The following SEZ6L2 variants were observed in gnomAD, a reference collection of about 807,000 sequenced individuals.
SEZ6L2 encodes seizure related 6 homolog like 2.
In SEZ6L2, 44 loss-of-function variants were observed where a neutral mutation model predicts 97.0. That is an observed-to-expected ratio of 0.45 (90% CI 0.36 to 0.58). The LOEUF is 0.58. Among genes scored for constraint, SEZ6L2 ranks in the 20% least tolerant of loss-of-function variants. The pLI is 0.00. For synonymous variants in SEZ6L2, 543 were observed against 546.1 expected, an observed-to-expected ratio of 0.99 and a Z score of 0.08; for missense variants, 1,086 against 1,233.3, an observed-to-expected ratio of 0.88 and a Z score of 1.79.
chr16:29,880,425 A>C (rs982748564), intron 8 of SEZ6L2, among the ~76,000 whole-genome samples: 1 of 151,856 alleles, frequency 6.6e-6, no homozygotes, highest in Non-Finnish European at 1.5e-5. Flanking sequence ...TCCTGGGTTC[A>C]AGCGATTCTC....
rs565059714 is a variant in SEZ6L2 at position 29,871,360 on chromosome 16, C to G, written c.*339G>C. The G allele has an allele frequency of 1.2e-5, 5 of 420,604 alleles. No individual in the cohort carries two copies. The Admixed American group carries it at 1.7e-4, about 14-fold the overall frequency. 26.1% of individuals were successfully genotyped at this position (420,604 alleles called of 1,614,324 possible). On this transcript the variant is annotated 3_prime_UTR_variant, in exon 18 of 18. Transcript: ENST00000617533. Reference sequence around the variant, plus strand: ...GGGGGCACCTTCGTGGCCAAGGGAACAGTAGAGCTATCGGGGGCAGTCCTT... The same window carrying G: ...GGGGGCACCTTCGTGGCCAAGGGAAGAGTAGAGCTATCGGGGGCAGTCCTT...
Position 29,873,892 on chromosome 16 carries a change from C to T in SEZ6L2, c.2105-163G>A, listed in dbSNP as rs1486028887. 1.3e-5 allele frequency among the ~76,000 whole-genome samples: 2 copies of T among 152,064 alleles called. No homozygotes were observed. The highest frequency in any genetic ancestry group is 1.5e-5 in the Non-Finnish European group (1 of 67,988). ...AGGAGTTGGAGGCGGGATGATCGCTCGAACCCAGCAGGTCGAGGCTGCAGT... is the reference window on the plus strand; with the variant it reads ...AGGAGTTGGAGGCGGGATGATCGCTTGAACCCAGCAGGTCGAGGCTGCAGT... On this transcript the variant is annotated intron_variant, in intron 12 of 17. Transcript: ENST00000617533. The surrounding 1 kb of genome is among the most constrained non-coding windows in gnomAD (Gnocchi z 4.3).
chr16:29,875,661 C>CTTTTTTTTTTTTTTTTTTTTTT (rs149293940), intron 12 of SEZ6L2, among the ~76,000 whole-genome samples: 1 of 112,712 alleles, frequency 8.9e-6, no homozygotes, highest in African/African-American at 3.8e-5. Flanking sequence ...TTCTTTCTTT[C>CTTTTTTTTTTTTTTTTTTTTTT]TTTCTTTTTT....
chr16:29,874,632 C>T (rs1458660632), intron 12 of SEZ6L2, among the ~76,000 whole-genome samples: 8 of 121,422 alleles, frequency 6.6e-5, no homozygotes, highest in Non-Finnish European at 1.3e-4. Flanking sequence ...AGTGCAGTGG[C>T]GCATCTCGGC....
At chr16:29,891,519 T>C (rs112796947) in intron 5 of SEZ6L2, among the ~76,000 whole-genome samples, 14,711 of 152,170 alleles carry the variant, frequency 0.097, 975 homozygotes, top group Non-Finnish European at 0.14. Context: ...CACACGCCTA[T>C]AATCCCAGCT....
chr16:29,877,629 A>C (rs750538621), intron 10 of SEZ6L2, among the ~76,000 whole-genome samples, 162 bp from the exon 11 acceptor site: 1 of 152,064 alleles, frequency 6.6e-6, no homozygotes, highest in Admixed American at 6.6e-5. Flanking sequence ...TTGACCAACC[A>C]TGGTTTCTCC....
intron 12 of SEZ6L2, among the ~76,000 whole-genome samples, chr16:29,874,790 C>T (rs2067869790): frequency 6.6e-6 from 1 of 151,866 alleles, no homozygotes; most frequent in Non-Finnish European, 1.5e-5. Flanking sequence ...AGGCTGGTCT[C>T]GAACTCCTGA....
At chr16:29,881,155 TCAC>T (rs1470866454) in intron 8 of SEZ6L2, among the ~76,000 whole-genome samples, 2 of 152,074 alleles carry the variant, frequency 1.3e-5, no homozygotes, top group African/African-American at 4.8e-5. Flanking sequence ...CACTCCTCAT[TCAC>T]ATATTTATAT....
Position 29,887,807 on chromosome 16 carries a change from A to T in SEZ6L2, c.1050T>A (p.Gly350=). The change falls in exon 7 of 18, where the codon GGT becomes GGA. Residue 350 remains glycine, a synonymous_variant. Transcript: ENST00000617533. ...GETPSCMASC[G]GTIHNATLGR... is the part of the protein sequence containing the mutation. ...CCAGGGTGGCATTGTGGATGGTGCC[A>T]CCACAGGATGCTGTGGGCAGAGGAG... 6.2e-7 allele frequency: 1 copy of T among 1,613,722 alleles called. No homozygotes were observed.
intron 10 of SEZ6L2, 103 bp downstream of exon 10, chr16:29,878,184 G>C (rs2067950097): frequency 7.3e-7 from 1 of 1,363,210 alleles, no homozygotes; most frequent in African/African-American, 1.5e-5. Flanking sequence ...ATTCTGGATA[G>C]ATACGCAAGA....
rs773935193 is a variant in SEZ6L2, at chr16:29,877,365, A to C, written c.1815T>G (p.Leu605=). 1.9e-6 allele frequency: 3 copies of C among 1,613,372 alleles called. No homozygotes were observed. In the African/African-American group the frequency reaches 4.0e-5, roughly 22 times the overall value. ...QLRGPQPRRR[L]LSSGPDLTLQ... Reference sequence around the variant, plus strand: ...GTGTGAGGTCGGGCCCAGAGGAGAGAAGGCGGCGGCGCGGCTGAGGTCCCC... The same window carrying C: ...GTGTGAGGTCGGGCCCAGAGGAGAGCAGGCGGCGGCGCGGCTGAGGTCCCC... The change falls in exon 11 of 18, where the codon CTT becomes CTG. Residue 605 remains leucine (L), a synonymous_variant. Transcript: ENST00000617533.
At chr16:29,890,223 C>T (rs2068242279) in intron 5 of SEZ6L2, among the ~76,000 whole-genome samples, 2 of 152,100 alleles carry the variant, frequency 1.3e-5, no homozygotes, top group Non-Finnish European at 2.9e-5. Flanking sequence ...ACAAAATAGT[C>T]TTTAAAGGCA....
At chr16:29,878,763 CTTT>C (rs529820559) in intron 9 of SEZ6L2, among the ~76,000 whole-genome samples, 1 of 127,940 alleles carries the variant, frequency 7.8e-6, no homozygotes, top group Non-Finnish European at 1.7e-5. Context: ...TTTCTTTTTT[CTTT>C]TTTTTTTTTT....
intron 8 of SEZ6L2, among the ~76,000 whole-genome samples, chr16:29,881,666 T>G (rs1422789472): frequency 6.8e-6 from 1 of 146,236 alleles, no homozygotes; most frequent in Non-Finnish European, 1.5e-5. Flanking sequence ...TCGCTCTTGT[T>G]GCCCAGGCTG....
rs2067898226 is a variant in SEZ6L2, at chr16:29,876,129, C to G, written c.2104+627G>C. On this transcript the variant is annotated intron_variant, in intron 12 of 17. Transcript: ENST00000617533. The surrounding 1 kb of genome is among the most constrained non-coding windows in gnomAD (Gnocchi z 6.5). ...ATGGGGAAACCAAGCCTCAGAAATG[C>G]TAAGTGCCTCGCCCAAAGTCACCCA... 6.6e-6 allele frequency among the ~76,000 whole-genome samples: 1 copy of G among 152,216 alleles called. No homozygotes were observed. The highest frequency in any genetic ancestry group is 1.9e-4 in the East Asian group (1 of 5,188).
intron 17 of SEZ6L2, 81 bp downstream of exon 17, chr16:29,872,106 G>C: frequency 8.5e-7 from 1 of 1,173,904 alleles, no homozygotes; most frequent in Non-Finnish European, 1.2e-6. Flanking sequence ...CCAAGACAGA[G>C]ATTCCAGAGA....
Position 29,873,114 on chromosome 16 carries a change from GGC to G in SEZ6L2, c.2488+124_2488+125del, listed in dbSNP as rs2067821192. On this transcript the variant is annotated intron_variant, in intron 14 of 17. Coordinates refer to ENST00000617533, the MANE Select transcript of SEZ6L2 (RefSeq NM_001243332.2). The surrounding 1 kb of genome is among the most constrained non-coding windows in gnomAD (Gnocchi z 4.3). ...TCTGGACACACCCGTGAGGACACGA[GGC>G]CACAGGAGGAGAACCGGGAGCTCTG... 4.6e-6 allele frequency: 5 copies of G among 1,091,718 alleles called. No homozygotes were observed. The highest frequency in any genetic ancestry group is 6.5e-6 in the Non-Finnish European group (5 of 764,646). 67.6% of individuals were successfully genotyped at this position (1,091,718 alleles called of 1,614,324 possible). A position where few individuals can be genotyped will look rare whatever the true frequency, so the allele number is the denominator to read the frequency against.
chr16:29,873,753 G>C lies in SEZ6L2; in HGVS notation c.2105-24C>G, dbSNP rs780443466. ...GACTGGTGGCAGAAGAACAAGGTCA[G>C]GGGGAGCGAGGGCCTTCAAAGATCA... On this transcript the variant is annotated intron_variant, in intron 12 of 17. Coordinates refer to ENST00000617533, the MANE Select transcript of SEZ6L2 (RefSeq NM_001243332.2). This position sits in a 1 kb window ranked among gnomAD's most constrained non-coding sequence, Gnocchi z 4.3. The C allele has an allele frequency of 2.6e-6, 4 of 1,536,956 alleles. No homozygotes were observed. Among genetic ancestry groups the C allele is most frequent in the South Asian group, 2.5e-5 (2 of 80,994 alleles).
At position 29,873,149 on chromosome 16, in the gene SEZ6L2, G is replaced by C; in HGVS notation, c.2488+91C>G. 1 of 1,411,398 alleles carries C rather than the reference G, an allele frequency of 7.1e-7. No individual in the cohort carries two copies. The highest frequency in any genetic ancestry group is 1.3e-5 in the South Asian group (1 of 77,872). 87.4% of individuals were successfully genotyped at this position (1,411,398 alleles called of 1,614,324 possible). On this transcript the variant is annotated intron_variant, in intron 14 of 17. Transcript: ENST00000617533. The surrounding 1 kb of genome is among the most constrained non-coding windows in gnomAD (Gnocchi z 4.3). ...GGAGAACCGGGAGCTCTGTGGGGTCGCCCATTGGTCTCAAATGTGCTACCT... is the reference window on the plus strand; with the variant it reads ...GGAGAACCGGGAGCTCTGTGGGGTCCCCCATTGGTCTCAAATGTGCTACCT...
Sources: gnomAD v4.1 joint callset for allele counts (sites outside exome capture counted in the v4.1 genomes callset) on GRCh38, gnomAD v4.1.1 for gene constraint, Gnocchi (gnomAD v3.1) non-coding constraint, MANE v1.5 for transcripts, NCBI Gene and HGNC (gene_info 2026-07-23, HGNC 2026-07-21) for gene names.